Variants in LRRC4C observed in about 807,000 individuals in gnomAD.
LRRC4C encodes leucine rich repeat containing 4C.
Under a neutral mutation model 33.6 loss-of-function variants are expected in LRRC4C, and 5 were observed. The observed-to-expected ratio is 0.15, with a 90% CI of 0.08 to 0.31. The LOEUF is 0.31. LRRC4C is among the 10% of genes least tolerant of loss of function. LRRC4C has a pLI of 1.00. For synonymous variants in LRRC4C, 329 were observed against 302.0 expected (o/e 1.09, Z -0.93); for missense variants, 560 against 796.7 (o/e 0.70, Z 3.58).
chr11:41,304,808 G>C (rs1480354691), intron 1 of LRRC4C, among the ~76,000 whole-genome samples: 1 of 106,958 alleles, frequency 9.3e-6, no homozygotes. Context: ...GCCCCATCCG[G>C]GAGGGAGGTG....
chr11:41,014,232 G>A (rs1168604500), intron 1 of LRRC4C, among the ~76,000 whole-genome samples: 1 of 152,088 alleles, frequency 6.6e-6, no homozygotes, highest in Non-Finnish European at 1.5e-5. Flanking sequence ...TCACCTTGGA[G>A]GTTAGTATTT....
In LRRC4C at chr11:40,114,212, A is replaced by T; in HGVS notation, c.*158T>A. Reference sequence around the variant, plus strand: ...GAATACACATAATTTTGTCTGCTTTAGATCACAATAGAATTTTTAATAAAT... The same window carrying T: ...GAATACACATAATTTTGTCTGCTTTTGATCACAATAGAATTTTTAATAAAT... On this transcript the variant is annotated 3_prime_UTR_variant, in exon 7 of 7. Transcript: ENST00000528697. The T allele has an allele frequency of 1.2e-6, 1 of 828,872 alleles. No individual in the cohort carries two copies. The highest frequency in any genetic ancestry group is 1.8e-6 in the Non-Finnish European group (1 of 563,824). The allele number at this position is 828,872 out of a possible 1,614,324, so 51.3% of individuals were successfully genotyped here. A position where few individuals can be genotyped will look rare whatever the true frequency, so the allele number is the denominator to read the frequency against.
intron 1 of LRRC4C, among the ~76,000 whole-genome samples, chr11:41,228,162 A>T (rs1238477220): frequency 6.6e-6 from 1 of 152,054 alleles, no homozygotes; most frequent in African/African-American, 2.4e-5. Context: ...TCACAGACAA[A>T]CCTTACATGT....
chr11:40,462,946 T>G (rs561861808), intron 3 of LRRC4C, among the ~76,000 whole-genome samples: 1 of 151,350 alleles, frequency 6.6e-6, no homozygotes, highest in South Asian at 2.1e-4. Context: ...GTGAGAATTC[T>G]GGAGGTCTCA....
intron 5 of LRRC4C, among the ~76,000 whole-genome samples, chr11:40,157,800 A>G (rs1858829137): frequency 1.3e-5 from 2 of 152,150 alleles, no homozygotes; most frequent in Admixed American, 1.3e-4. Context: ...ACACTTCTAC[A>G]CTGCTGGAGG....
chr11:40,129,500 C>A (rs1340556445), intron 6 of LRRC4C, among the ~76,000 whole-genome samples: 1 of 152,048 alleles, frequency 6.6e-6, no homozygotes, highest in South Asian at 2.1e-4. Flanking sequence ...AACATGATTG[C>A]CTTGAAAATT....
At position 40,506,331 on chromosome 11, in the gene LRRC4C, C is replaced by CAT. The variant is rs1175180437; in HGVS notation, c.-270+141810_-270+141811insAT. On this transcript the variant is annotated intron_variant, in intron 3 of 6. Transcript: ENST00000528697. ...CCAAGAGCTAGCAGACCATATGCAG[C>CAT]TGTGTGGCTTTTCACATGAACAGAA... 5.3e-5 allele frequency among the ~76,000 whole-genome samples: 8 copies of CAT among 152,292 alleles called. No homozygotes were observed. In the East Asian group the frequency reaches 1.2e-3, roughly 22 times the overall value.
intron 5 of LRRC4C, among the ~76,000 whole-genome samples, chr11:40,178,366 G>A (rs1210369826): frequency 6.6e-6 from 1 of 152,134 alleles, no homozygotes; most frequent in Non-Finnish European, 1.5e-5. Flanking sequence ...CAGGGAGGCA[G>A]CCTAAAAGAA....
chr11:40,415,334 C>T (rs1299660746), intron 3 of LRRC4C, among the ~76,000 whole-genome samples: 1 of 152,114 alleles, frequency 6.6e-6, no homozygotes, highest in Non-Finnish European at 1.5e-5. Flanking sequence ...CTTGATAATC[C>T]TAATTTTATC....
intron 3 of LRRC4C, among the ~76,000 whole-genome samples, chr11:40,419,956 T>C (rs1288051577): frequency 6.6e-6 from 1 of 152,166 alleles, no homozygotes. Context: ...GGAGGATAGA[T>C]AAGTGAAGGA....
chr11:40,666,308 A>G (rs1943808301), intron 2 of LRRC4C, among the ~76,000 whole-genome samples: 1 of 152,158 alleles, frequency 6.6e-6, no homozygotes, highest in African/African-American at 2.4e-5. Context: ...ATTTATATAG[A>G]GGGAAGGTAT....
chr11:40,213,924 G>GAA (rs1451756099), intron 5 of LRRC4C, among the ~76,000 whole-genome samples: 1 of 151,254 alleles, frequency 6.6e-6, no homozygotes, highest in Non-Finnish European at 1.5e-5. Flanking sequence ...AATTGAAAAT[G>GAA]AGAAAAAAAA....
Position 40,422,042 on chromosome 11 carries a change from T to A in LRRC4C, c.-269-102321A>T, listed in dbSNP as rs142031116. ...ATACGCTCCTTAGTCTCTAGCTAGG[T>A]AAATTCTGCCCAGTTAATGCTAATT... On this transcript the variant is annotated intron_variant, in intron 3 of 6. Transcript: ENST00000528697. Among the ~76,000 whole-genome samples the A allele has an allele frequency of 4.5e-4, 68 of 152,370 alleles. 1 individual carries two copies. The highest frequency in any genetic ancestry group is 1.5e-3 in the African/African-American group (64 of 41,596).
chr11:41,429,087 GTTAC>G (rs1955144252), intron 1 of LRRC4C, among the ~76,000 whole-genome samples: 1 of 152,158 alleles, frequency 6.6e-6, no homozygotes, highest in Admixed American at 6.6e-5. Flanking sequence ...TCTGGGGGCA[GTTAC>G]CCTCATGCTG....
intron 3 of LRRC4C, among the ~76,000 whole-genome samples, chr11:40,379,843 C>T (rs1284028350): frequency 6.6e-6 from 1 of 152,146 alleles, no homozygotes; most frequent in Non-Finnish European, 1.5e-5. Context: ...GTATCAACAT[C>T]ACCTGGGAAT....
chr11:40,497,623 C>A (rs906737138), intron 3 of LRRC4C, among the ~76,000 whole-genome samples: 5 of 152,124 alleles, frequency 3.3e-5, no homozygotes, highest in African/African-American at 7.2e-5. Context: ...ACAAACTTTA[C>A]AGCTGGATTT....
chr11:40,795,715 T>C (rs1009184758), intron 2 of LRRC4C, among the ~76,000 whole-genome samples: 5 of 152,166 alleles, frequency 3.3e-5, no homozygotes, highest in African/African-American at 9.7e-5. Context: ...GTATTAATAA[T>C]ATATCCTTAA....
chr11:40,320,860 G>A lies in LRRC4C; in HGVS notation c.-269-1139C>T, dbSNP rs188157518. ...AAACTCCCATGCTTAAATAAAGCCT[G>A]AATTTTTATATACTTATATATGCCA... On this transcript the variant is annotated intron_variant, in intron 3 of 6. Coordinates refer to ENST00000528697, the MANE Select transcript of LRRC4C (RefSeq NM_001258419.2). Among the ~76,000 whole-genome samples, 9 of 152,246 alleles carry A rather than the reference G, an allele frequency of 5.9e-5. No individual in the cohort carries two copies. The East Asian group carries it at 1.7e-3, about 29-fold the overall frequency.
rs549916069 is a variant in LRRC4C, at chr11:40,241,191, C to A, written c.-96+328G>T. The stretch of plus-strand genomic sequence containing the variant: ...TAATTGCTTGAGGCAGGAGTGCCTG[C>A]AAAACATAGCAAGAGCCCTGTCTCT... On this transcript the variant is annotated intron_variant, in intron 5 of 6. Coordinates refer to ENST00000528697, the MANE Select transcript of LRRC4C (RefSeq NM_001258419.2). Among the ~76,000 whole-genome samples, 12 of 152,002 alleles carry A rather than the reference C, an allele frequency of 7.9e-5. No individual in the cohort carries two copies. In the South Asian group the frequency reaches 2.5e-3, roughly 32 times the overall value.
Sources: allele counts gnomAD v4.1 joint callset (sites outside exome capture counted in the v4.1 genomes callset), GRCh38; gene constraint gnomAD v4.1.1; transcripts MANE v1.5; gene names NCBI Gene and HGNC (gene_info 2026-07-23, HGNC 2026-07-21).